PDE1C: variants seen among roughly 807,000 people sequenced by gnomAD.
PDE1C encodes dual specificity calcium/calmodulin-dependent 3',5'-cyclic nucleotide phosphodiesterase 1C.
A neutral mutation model predicts 93.1 loss-of-function variants in PDE1C; 62 were observed. That is an observed-to-expected ratio of 0.67 (90% CI 0.54 to 0.82). The LOEUF (loss-of-function observed/expected upper bound fraction) is 0.82. PDE1C is among the 40% of genes least tolerant of loss of function. PDE1C has a pLI of 0.00. For missense variants in PDE1C, 742 were observed against 884.6 expected, an observed-to-expected ratio of 0.84 and a Z score of 2.04; for synonymous variants, 325 against 310.1, an observed-to-expected ratio of 1.05 and a Z score of -0.50.
intron 1 of PDE1C, among the ~76,000 whole-genome samples, chr7:32,427,325 G>T (rs781487956): frequency 7.2e-5 from 11 of 152,138 alleles, no homozygotes; most frequent in Non-Finnish European, 1.2e-4. Flanking sequence ...CGCAATGAAA[G>T]CAGCACGTCC....
the PDE1C span, among the ~76,000 whole-genome samples, chr7:31,667,532 C>T: frequency 0.042 from 6,402 of 152,052 alleles, 432 homozygotes; most frequent in African/African-American, 0.14. Context: ...TGGGCACCGT[C>T]GTAGGGGTAG....
At chr7:31,737,522 C>T in the PDE1C span, among the ~76,000 whole-genome samples, 1 of 152,112 alleles carries the variant, frequency 6.6e-6, no homozygotes, top group Non-Finnish European at 1.5e-5. Flanking sequence ...TAAGTCCAGG[C>T]TGGGTGCAGT....
chr7:31,684,013 T>C, the PDE1C span, among the ~76,000 whole-genome samples: 2,815 of 152,324 alleles, frequency 0.018, 40 homozygotes, highest in Middle Eastern at 0.041. Context: ...CTGGGAGCGC[T>C]GTAGGCTGAG....
intron 1 of PDE1C, among the ~76,000 whole-genome samples, chr7:32,298,139 CTT>C (rs2128901022): frequency 6.7e-6 from 1 of 150,352 alleles, no homozygotes; most frequent in African/African-American, 2.4e-5. Context: ...GTCTCCACGT[CTT>C]TGTCACTCTA....
intron 1 of PDE1C, among the ~76,000 whole-genome samples, chr7:32,337,260 C>T (rs1163136399): frequency 6.6e-6 from 1 of 152,058 alleles, no homozygotes; most frequent in African/African-American, 2.4e-5. Flanking sequence ...TATGTTGAGC[C>T]CTCGGAAGTC....
chr7:31,939,110 G>A (rs1453630310), intron 2 of PDE1C, among the ~76,000 whole-genome samples: 2 of 152,286 alleles, frequency 1.3e-5, no homozygotes, highest in Middle Eastern at 3.4e-3. Flanking sequence ...CTAGCAGTGC[G>A]AGGACAAAAC....
rs969950207 is a variant in PDE1C, at chr7:31,853,893, T to C, written c.751-3152A>G. Among the ~76,000 whole-genome samples the C allele has an allele frequency of 1.6e-3, 243 of 150,402 alleles. 1 individual carries two copies. Among genetic ancestry groups the C allele is most frequent in the African/African-American group, 5.4e-3 (222 of 40,888 alleles). Reference sequence around the variant, plus strand: ...ATGCCCAGCTATTTTTTTTTTTTTTTTTTTGTATTTTTAGTAGAGATGGGA... The same window carrying C: ...ATGCCCAGCTATTTTTTTTTTTTTTCTTTTGTATTTTTAGTAGAGATGGGA... On this transcript the variant is annotated intron_variant, in intron 7 of 17. Coordinates refer to ENST00000396191, the MANE Select transcript of PDE1C (RefSeq NM_001191057.4).
At chr7:32,114,896 C>T (rs1490262678) in intron 3 of PDE1C, among the ~76,000 whole-genome samples, 1 of 152,070 alleles carries the variant, frequency 6.6e-6, no homozygotes, top group Non-Finnish European at 1.5e-5. Context: ...GAGAAAGGCA[C>T]ATCAAAACCA....
intron 3 of PDE1C, among the ~76,000 whole-genome samples, chr7:32,166,443 C>CA (rs1170010003): frequency 3.9e-5 from 6 of 152,098 alleles, no homozygotes; most frequent in African/African-American, 1.4e-4. Flanking sequence ...GAGGAGACCT[C>CA]AAGCCCTGGA....
At chr7:32,181,179 A>T (rs1175450600) in intron 2 of PDE1C, among the ~76,000 whole-genome samples, 1 of 152,098 alleles carries the variant, frequency 6.6e-6, no homozygotes, top group African/African-American at 2.4e-5. Context: ...AGAGACTTAG[A>T]CTCCCACACA....
intron 2 of PDE1C, among the ~76,000 whole-genome samples, chr7:32,191,349 CAT>C (rs1804217806): frequency 1.3e-5 from 2 of 152,142 alleles, no homozygotes; most frequent in Non-Finnish European, 1.5e-5. Flanking sequence ...AAAGATCCCT[CAT>C]GTTATCCTGT....
At chr7:32,371,414 T>G (rs1419696314) in intron 1 of PDE1C, among the ~76,000 whole-genome samples, 1 of 152,222 alleles carries the variant, frequency 6.6e-6, no homozygotes, top group Non-Finnish European at 1.5e-5. Context: ...ATGTCTGTTC[T>G]GCCCCTGGTT....
Position 32,387,359 on chromosome 7 carries a change from C to T in PDE1C, c.310+40463G>A, listed in dbSNP as rs879376562. 6.3e-3 allele frequency among the ~76,000 whole-genome samples: 955 copies of T among 151,698 alleles called. 4 individuals are homozygous for T. The highest frequency in any genetic ancestry group is 0.01 in the Non-Finnish European group (692 of 67,718). On this transcript the variant is annotated intron_variant, in intron 1 of 1. Transcript: ENST00000672256. ...TTCTATTCCACAAAACCGCCATTGT[C>T]ATCATGGCCCATCCCCAATGAGCCG...
the PDE1C span, among the ~76,000 whole-genome samples, chr7:31,699,089 G>T: frequency 6.6e-6 from 1 of 152,152 alleles, no homozygotes; most frequent in Non-Finnish European, 1.5e-5. Flanking sequence ...TAAATATTTG[G>T]TGCTAAAGCA....
chr7:32,133,337 G>A (rs1800024609), intron 3 of PDE1C, among the ~76,000 whole-genome samples: 1 of 152,176 alleles, frequency 6.6e-6, no homozygotes, highest in Non-Finnish European at 1.5e-5. Context: ...GAAGGTTTTG[G>A]AGGAAGTTGA....
chr7:32,254,816 C>T (rs909245658), intron 1 of PDE1C, among the ~76,000 whole-genome samples: 5 of 152,156 alleles, frequency 3.3e-5, no homozygotes, highest in Non-Finnish European at 5.9e-5. Context: ...GGCTGCACTA[C>T]TCAGGGGTCT....
the PDE1C span, among the ~76,000 whole-genome samples, chr7:31,700,347 C>T: frequency 6.6e-6 from 1 of 152,086 alleles, no homozygotes; most frequent in Non-Finnish European, 1.5e-5. Flanking sequence ...TAAGCCAAAG[C>T]CTAATCCAGA....
intron 1 of PDE1C, among the ~76,000 whole-genome samples, chr7:32,063,345 T>C (rs1360521793): frequency 6.6e-6 from 1 of 152,250 alleles, no homozygotes; most frequent in Non-Finnish European, 1.5e-5. Context: ...AGATAGGTCC[T>C]ATAAACACTT....
At chr7:32,181,252 T>C (rs958688984) in intron 2 of PDE1C, among the ~76,000 whole-genome samples, 4 of 152,034 alleles carry the variant, frequency 2.6e-5, no homozygotes, top group Admixed American at 1.3e-4. Flanking sequence ...GACAGAAAGT[T>C]AACAAGGATA....
Sources: gnomAD v4.1 joint callset for allele counts (sites outside exome capture counted in the v4.1 genomes callset) on GRCh38, gnomAD v4.1.1 for gene constraint, MANE v1.5 for transcripts, NCBI Gene and HGNC (gene_info 2026-07-23, HGNC 2026-07-21) for gene names.